Variants in PDE4B observed in about 807,000 individuals in gnomAD.
The protein encoded by PDE4B is phosphodiesterase 4B.
PDE4B carries 20 observed loss-of-function variants against 82.2 expected under a neutral mutation model. The observed-to-expected ratio is 0.24, with a 90% CI of 0.17 to 0.35. The LOEUF (loss-of-function observed/expected upper bound fraction) is 0.35, where lower values mean the gene tolerates loss of function less well. PDE4B is among the 10% of genes least tolerant of loss of function. The pLI, the probability that PDE4B is intolerant of heterozygous loss-of-function variation, is 1.00. For missense variants in PDE4B, 655 were observed against 907.2 expected, an observed-to-expected ratio of 0.72 and a Z score of 3.57; for synonymous variants, 320 against 318.9, an observed-to-expected ratio of 1.00 and a Z score of -0.04.
At chr1:66,174,829 G>T (rs1464883446) in intron 3 of PDE4B, among the ~76,000 whole-genome samples, 2 of 152,030 alleles carry the variant, frequency 1.3e-5, no homozygotes, top group Admixed American at 6.6e-5. Flanking sequence ...AAAGAAAAGA[G>T]ATTTGATTTA....
intron 3 of PDE4B, chr1:66,042,743 A>G (rs779098678): frequency 2.0e-5 from 3 of 151,868 alleles, no homozygotes; most frequent in Non-Finnish European, 4.4e-5. Flanking sequence ...TGTTAAAGGT[A>G]GAAAAATTTT....
At chr1:66,046,073 G>A (rs1404914414) in intron 3 of PDE4B, among the ~76,000 whole-genome samples, 2 of 151,744 alleles carry the variant, frequency 1.3e-5, no homozygotes, top group African/African-American at 2.4e-5. Context: ...GGGCAACAGT[G>A]GAGGCAGGAA....
chr1:66,013,913 G>C (rs1652627550), intron 3 of PDE4B, among the ~76,000 whole-genome samples: 1 of 151,990 alleles, frequency 6.6e-6, no homozygotes, highest in East Asian at 1.9e-4. Flanking sequence ...CCCACCAACA[G>C]TGCATAAAAG....
chr1:66,336,143 T>C (rs1456760364), intron 8 of PDE4B, among the ~76,000 whole-genome samples: 1 of 152,180 alleles, frequency 6.6e-6, no homozygotes, highest in Non-Finnish European at 1.5e-5. Flanking sequence ...GTTCCTGACC[T>C]CGTGTCACCA....
At position 66,054,557 on chromosome 1, in the gene PDE4B, C is replaced by T. The variant is rs897607088; in HGVS notation, c.281+135722C>T. On this transcript the variant is annotated intron_variant, in intron 3 of 16. Transcript: ENST00000341517. ...TCATGCTTTCATTCCTAATTGGCTT[C>T]GTCTCATTTGACAATTGGCTGTTTA... is the stretch of plus-strand genomic sequence containing the variant. Among the ~76,000 whole-genome samples the T allele has an allele frequency of 7.3e-5, 11 of 151,682 alleles. 1 individual carries two copies. Among genetic ancestry groups the T allele is most frequent in the Admixed American group, 5.3e-4 (8 of 15,216 alleles).
rs1028164393 is a variant in PDE4B at position 66,133,243 on chromosome 1, A to C, written c.282-114217A>C. ...ACATTTTCCCACAATATAATGGTTC[A>C]CAAAATTTGTAAGGTCCAGGTGATC... On this transcript the variant is annotated intron_variant, in intron 3 of 16. Transcript: ENST00000341517. Among the ~76,000 whole-genome samples the C allele has an allele frequency of 2.6e-5, 4 of 152,272 alleles. No individual in the cohort carries two copies. The East Asian group carries it at 5.8e-4, about 22-fold the overall frequency.
intron 3 of PDE4B, among the ~76,000 whole-genome samples, chr1:65,953,822 T>C (rs1204191548): frequency 6.6e-6 from 1 of 152,118 alleles, no homozygotes; most frequent in East Asian, 1.9e-4. Context: ...TTATTTTGCA[T>C]AACAAATGGT....
intron 7 of PDE4B, among the ~76,000 whole-genome samples, chr1:66,296,417 C>G (rs1657517070): frequency 6.6e-6 from 1 of 152,168 alleles, no homozygotes. Flanking sequence ...TGCTGACCCT[C>G]ATTGCAATTC....
chr1:66,074,902 G>T (rs1040594792), intron 3 of PDE4B, among the ~76,000 whole-genome samples: 2 of 151,994 alleles, frequency 1.3e-5, no homozygotes, highest in Admixed American at 6.6e-5. Flanking sequence ...CATTCGAGTT[G>T]TTTTCAGCTT....
chr1:66,132,419 G>T (rs1645967745), intron 3 of PDE4B, among the ~76,000 whole-genome samples: 2 of 152,066 alleles, frequency 1.3e-5, no homozygotes, highest in African/African-American at 2.4e-5. Flanking sequence ...CTATTTTTAG[G>T]ATTGGCGACT....
chr1:65,950,407 T>C (rs1241870465), intron 3 of PDE4B, among the ~76,000 whole-genome samples: 1 of 152,082 alleles, frequency 6.6e-6, no homozygotes, highest in Non-Finnish European at 1.5e-5. Flanking sequence ...CTTTACAGTC[T>C]GTCTCTTAGA....
intron 3 of PDE4B, among the ~76,000 whole-genome samples, chr1:66,098,646 G>A (rs1380787318): frequency 6.6e-6 from 1 of 152,060 alleles, no homozygotes; most frequent in Non-Finnish European, 1.5e-5. Flanking sequence ...TAGGTTCCAA[G>A]TAAAACCCAG....
intron 3 of PDE4B, chr1:66,063,105 G>A (rs531228415): frequency 3.9e-5 from 6 of 152,044 alleles, no homozygotes; most frequent in South Asian, 2.1e-4. Flanking sequence ...TGCACACAGC[G>A]GCCCCATAGT....
At chr1:66,234,598 T>A (rs1359451631) in intron 3 of PDE4B, among the ~76,000 whole-genome samples, 1 of 152,124 alleles carries the variant, frequency 6.6e-6, no homozygotes, top group African/African-American at 2.4e-5. Flanking sequence ...CTGGTATAAT[T>A]TTTTTTATGA....
intron 7 of PDE4B, among the ~76,000 whole-genome samples, chr1:66,319,792 C>A (rs1181372216): frequency 6.6e-6 from 1 of 152,182 alleles, no homozygotes; most frequent in African/African-American, 2.4e-5. Flanking sequence ...TCTATAACTG[C>A]AAAGAATTAG....
intron 3 of PDE4B, among the ~76,000 whole-genome samples, chr1:66,190,042 T>C (rs1440462499): frequency 2.6e-5 from 4 of 152,218 alleles, no homozygotes; most frequent in Non-Finnish European, 5.9e-5. Context: ...TTGTTAGTTT[T>C]CCTTCTAACA....
At chr1:66,346,165 A>G (rs927313233) in intron 8 of PDE4B, among the ~76,000 whole-genome samples, 2 of 152,078 alleles carry the variant, frequency 1.3e-5, no homozygotes, top group Admixed American at 6.5e-5. Context: ...ATCTGCCATC[A>G]TTTGGTTATG....
At chr1:66,322,065 A>G (rs1659442813) in intron 7 of PDE4B, among the ~76,000 whole-genome samples, 1 of 152,192 alleles carries the variant, frequency 6.6e-6, no homozygotes. Context: ...AAAACAAGCA[A>G]TGGGGTAATG....
intron 3 of PDE4B, among the ~76,000 whole-genome samples, chr1:66,181,755 G>A (rs994466371): frequency 5.3e-5 from 8 of 152,114 alleles, no homozygotes; most frequent in Non-Finnish European, 8.8e-5. Context: ...AAGGGAAGAT[G>A]AGATTGCAGT....
Sources: allele counts gnomAD v4.1 joint callset (sites outside exome capture counted in the v4.1 genomes callset), GRCh38; gene constraint gnomAD v4.1.1; transcripts MANE v1.5; gene names NCBI Gene and HGNC (gene_info 2026-07-23, HGNC 2026-07-21).